Variants in CYP2C8 observed in about 807,000 individuals in gnomAD.
The protein encoded by CYP2C8 is cytochrome P450 2C8.
Under a neutral mutation model 41.3 loss-of-function variants are expected in CYP2C8, and 51 were observed. The ratio of observed to expected loss-of-function variants is 1.24; its 90% CI spans 0.99 to 1.56. The LOEUF (loss-of-function observed/expected upper bound fraction) is 1.56, where lower values mean the gene tolerates loss of function less well. Among genes scored for constraint, CYP2C8 ranks in the 40% most tolerant of loss-of-function variants. The probability of loss-of-function intolerance (pLI) is 0.00; values close to 1 mark genes in which losing one functional copy is unlikely to be tolerated. For missense variants in CYP2C8, 651 were observed against 579.9 expected, an observed-to-expected ratio of 1.12 and a Z score of -1.26; for synonymous variants, 218 against 205.8, an observed-to-expected ratio of 1.06 and a Z score of -0.51.
At chr10:95,051,704 T>C (rs989348483) in intron 5 of CYP2C8, among the ~76,000 whole-genome samples, 2 of 152,116 alleles carry the variant, frequency 1.3e-5, no homozygotes, top group Non-Finnish European at 2.9e-5. Context: ...TTAAACAATA[T>C]GCTTCTGAGT....
chr10:95,066,165 T>A (rs1250393534), intron 3 of CYP2C8, among the ~76,000 whole-genome samples: 3,587 of 138,804 alleles, frequency 0.026, 136 homozygotes, highest in African/African-American at 0.087. Context: ...TGTGTGTGTG[T>A]GTGTGTGTGT....
chr10:95,062,619 T>G (rs956605229), intron 4 of CYP2C8, among the ~76,000 whole-genome samples: 5 of 152,218 alleles, frequency 3.3e-5, no homozygotes, highest in Non-Finnish European at 7.3e-5. Flanking sequence ...GTCTTTTAAT[T>G]GGAGCGTTTA....
intron 3 of CYP2C8, among the ~76,000 whole-genome samples, chr10:95,066,147 AGAGAGAGT>A (rs1406545728): frequency 7.0e-5 from 8 of 114,310 alleles, no homozygotes; most frequent in South Asian, 3.2e-4. Flanking sequence ...AGAGAGAGAG[AGAGAGAGT>A]GTGTGTGTGT....
chr10:95,064,063 C>A (rs1019401360), intron 4 of CYP2C8, among the ~76,000 whole-genome samples: 4 of 152,290 alleles, frequency 2.6e-5, no homozygotes, highest in Non-Finnish European at 4.4e-5. Flanking sequence ...CCCAGTTAGG[C>A]TATTCAGGGG....
intron 4 of CYP2C8, among the ~76,000 whole-genome samples, chr10:95,060,569 T>A (rs933625888): frequency 6.6e-6 from 1 of 152,194 alleles, no homozygotes; most frequent in Non-Finnish European, 1.5e-5. Context: ...TTTCTAGATA[T>A]ACAGTCATGT....
chr10:95,042,360 A>T (rs1374916897), intron 7 of CYP2C8, among the ~76,000 whole-genome samples: 3 of 152,146 alleles, frequency 2.0e-5, no homozygotes, highest in African/African-American at 7.2e-5. Flanking sequence ...GGTCATCAGA[A>T]TAGTATAATT....
intron 6 of CYP2C8, among the ~76,000 whole-genome samples, chr10:95,043,864 G>GCGCACA (rs1554874754): frequency 7.2e-6 from 1 of 139,180 alleles, no homozygotes; most frequent in Non-Finnish European, 1.6e-5. Flanking sequence ...ACTCACAGAA[G>GCGCACA]CACACACACA....
At position 95,058,352 on chromosome 10, in the gene CYP2C8, G is replaced by A. The variant is rs1236541564; in HGVS notation, c.802C>T (p.Leu268=). 1 of 1,613,224 alleles carries A rather than the reference G, an allele frequency of 6.2e-7. No homozygotes were observed. The stretch of plus-strand genomic sequence containing the variant: ...TATCTTACCTGCTCCATTTTGATCA[G>A]GAAGCAATCGATAAAGTCCCGAGGA... ...NNPRDFIDCF[L]IKMEQEKDNQ... is the part of the protein sequence containing the mutation. The change falls in exon 5 of 9, where the codon CTG becomes TTG. Residue 268 remains leucine (L), a synonymous_variant. Coordinates refer to ENST00000371270, the MANE Select transcript of CYP2C8 (RefSeq NM_000770.3).
chr10:95,061,606 A>AT (rs2033436961), intron 4 of CYP2C8, among the ~76,000 whole-genome samples: 1 of 151,962 alleles, frequency 6.6e-6, no homozygotes, highest in Non-Finnish European at 1.5e-5. Context: ...GGATTCATTG[A>AT]TTTTTTGAAG....
chr10:95,055,862 G>C (rs1341159), intron 5 of CYP2C8, among the ~76,000 whole-genome samples: 57,420 of 152,000 alleles, frequency 0.38, 11,230 homozygotes, highest in Middle Eastern at 0.51. Context: ...GGGCCAACAT[G>C]GGTGGACTGC....
At chr10:95,041,368 G>C (rs980427695) in intron 7 of CYP2C8, among the ~76,000 whole-genome samples, 2 of 152,196 alleles carry the variant, frequency 1.3e-5, no homozygotes, top group Non-Finnish European at 2.9e-5. Flanking sequence ...GGGAGATCGT[G>C]TTTGCCTCAC....
At chr10:95,055,918 A>G (rs1270105855) in intron 5 of CYP2C8, among the ~76,000 whole-genome samples, 1 of 151,946 alleles carries the variant, frequency 6.6e-6, no homozygotes, top group Non-Finnish European at 1.5e-5. Context: ...TGGTGAAACC[A>G]AGTTTGTACA....
intron 4 of CYP2C8, among the ~76,000 whole-genome samples, chr10:95,063,657 T>C (rs760736920): frequency 6.6e-6 from 1 of 152,228 alleles, no homozygotes; most frequent in Non-Finnish European, 1.5e-5. Flanking sequence ...TCATTCCCCA[T>C]CCAGCTTTGT....
chr10:95,043,067 C>G lies in CYP2C8; in HGVS notation c.972G>C (p.Gln324His), dbSNP rs529746836. 2.5e-6 allele frequency: 4 copies of G among 1,614,138 alleles called. 1 individual carries two copies. The highest frequency in any genetic ancestry group is 4.5e-5 in the East Asian group (2 of 44,884). Residue 324 changes from glutamine to histidine, a missense_variant, in exon 7 of 9, where the codon CAG (glutamine) becomes CAC (histidine). By Grantham distance (24) the Gln-to-His change is conservative (BLOSUM62 0). Transcript: ENST00000371270. Reference sequence around the variant, plus strand: ...TGCCAATTACATGATCAATCTCTTCCTGGACTTTAGCTGACAAGACACAAG... The same window carrying G: ...TGCCAATTACATGATCAATCTCTTCGTGGACTTTAGCTGACAAGACACAAG... Reference protein sequence around the residue: ...LKHPEVTAKVQEEIDHVIGRH... With the variant: ...LKHPEVTAKVHEEIDHVIGRH...
chr10:95,062,866 T>C (rs1416378498), intron 4 of CYP2C8, among the ~76,000 whole-genome samples: 1 of 152,232 alleles, frequency 6.6e-6, no homozygotes, highest in Non-Finnish European at 1.5e-5. Flanking sequence ...TTTGCTTGTA[T>C]GTAAAGGATT....
Position 95,037,043 on chromosome 10 carries a change from AGAGAAG to A in CYP2C8, c.*79_*84del. ...GAATGGGAAGATTTGATGAGAGGTC[AGAGAAG>A]ACATAATAGTGGGAATGTCCTTGAT... On this transcript the variant is annotated 3_prime_UTR_variant, in exon 9 of 9. Transcript: ENST00000371270. The A allele has an allele frequency of 7.9e-7, 1 of 1,262,638 alleles. No homozygotes were observed. The highest frequency in any genetic ancestry group is 1.2e-6 in the Non-Finnish European group (1 of 866,186). The allele number at this position is 1,262,638 out of a possible 1,614,324, so 78.2% of individuals were successfully genotyped here. A position where few individuals can be genotyped will look rare whatever the true frequency, so the allele number is the denominator to read the frequency against.
At chr10:95,050,168 G>T (rs967632389) in intron 5 of CYP2C8, among the ~76,000 whole-genome samples, 8 of 152,054 alleles carry the variant, frequency 5.3e-5, no homozygotes, top group Non-Finnish European at 1.2e-4. Flanking sequence ...CTGCTCAGGG[G>T]GTGAGATTCC....
chr10:95,052,729 G>C (rs373348420), intron 5 of CYP2C8, among the ~76,000 whole-genome samples: 1 of 151,892 alleles, frequency 6.6e-6, no homozygotes, highest in Admixed American at 6.6e-5. Context: ...AAAATTATTC[G>C]ATAAAATTCA....
At chr10:95,038,669 T>C (rs2032934027) in intron 8 of CYP2C8, among the ~76,000 whole-genome samples, 1 of 152,062 alleles carries the variant, frequency 6.6e-6, no homozygotes, top group Non-Finnish European at 1.5e-5. Context: ...ACCAAGATGT[T>C]CATTTTCTCA....
Sources: allele counts gnomAD v4.1 joint callset (sites outside exome capture counted in the v4.1 genomes callset), GRCh38; gene constraint gnomAD v4.1.1; transcripts MANE v1.5; gene names NCBI Gene and HGNC (gene_info 2026-07-23, HGNC 2026-07-21).